LAMB2: variants seen among roughly 807,000 people sequenced by gnomAD.
The protein encoded by LAMB2 is laminin subunit beta 2, also known as laminin subunit beta-2.
Under a neutral mutation model 202.7 loss-of-function variants are expected in LAMB2, and 119 were observed. The observed-to-expected ratio is 0.59, with a 90% CI of 0.51 to 0.68. The LOEUF is 0.68. Among genes scored for constraint, LAMB2 ranks in the 30% least tolerant of loss-of-function variants. LAMB2 has a pLI of 0.00. For synonymous variants in LAMB2, 818 were observed against 902.2 expected, an observed-to-expected ratio of 0.91 and a Z score of 1.67; for missense variants, 2,124 against 2,410.6, an observed-to-expected ratio of 0.88 and a Z score of 2.49.
Position 49,129,411 on chromosome 3 carries a change from C to A in LAMB2, c.1519-87G>T. The A allele has an allele frequency of 8.0e-7, 1 of 1,250,952 alleles. No individual in the cohort carries two copies. 77.5% of individuals were successfully genotyped at this position (1,250,952 alleles called of 1,614,324 possible). On this transcript the variant is annotated intron_variant, in intron 11 of 31. Transcript: ENST00000305544. The surrounding 1 kb of genome is among the most constrained non-coding windows in gnomAD (Gnocchi z 6.1). ...GGAAATCCCAACCACACGTCTTAGC[C>A]TCAATCACCCCTCAGTGAAAACATG...
rs149144377 is a variant in LAMB2 at position 49,123,319 on chromosome 3, C to G, written c.4037G>C (p.Arg1346Pro). Residue 1346 changes from arginine (R) to proline (P), a missense_variant, in exon 26 of 32, where the codon CGT becomes CCT. By Grantham distance (103) the Arg-to-Pro change is moderately radical. Transcript: ENST00000305544. ...AHSQSAEAER[R>P]ANTSALAVPS... ...TACTGCCAGGGCTGAGGTATTGGCA[C>G]GACGTTCTGCCTCTGCAGACTGGCT... The G allele has an allele frequency of 6.2e-7, 1 of 1,614,102 alleles. No individual in the cohort carries two copies. Among genetic ancestry groups the G allele is most frequent in the South Asian group, 1.1e-5 (1 of 91,086 alleles).
Position 49,123,946 on chromosome 3 carries a change from G to A in LAMB2, c.3579C>T (p.Cys1193=). 1 of 1,613,444 alleles carries A rather than the reference G, an allele frequency of 6.2e-7. No homozygotes were observed. The highest frequency in any genetic ancestry group is 8.5e-7 in the Non-Finnish European group (1 of 1,180,040). Residue 1193 remains cysteine (C), a synonymous_variant, in exon 24 of 32, where the codon TGC becomes TGT. Coordinates refer to ENST00000305544, the MANE Select transcript of LAMB2 (RefSeq NM_002292.4). The part of the protein sequence containing the change: ...IFPACHPCHA[C]FGDWDRVVQD... Reference sequence around the variant, plus strand: ...GCACCACTCGGTCCCAATCCCCGAAGCATGCATGGCAGGGATGGCAGGCAG... The same window carrying A: ...GCACCACTCGGTCCCAATCCCCGAAACATGCATGGCAGGGATGGCAGGCAG...
rs1414709421 is a variant in LAMB2 at position 49,131,331 on chromosome 3, C to A, written c.712+48G>T. On this transcript the variant is annotated intron_variant, in intron 6 of 31. Coordinates refer to ENST00000305544, the MANE Select transcript of LAMB2 (RefSeq NM_002292.4). This position sits in a 1 kb window ranked among gnomAD's most constrained non-coding sequence, Gnocchi z 5.0. ...AATAGTTACTGAGGCCCCAAATAGT[C>A]CCTAGCCGGACACGGACTGTGCCAG... 1 of 1,599,312 alleles carries A rather than the reference C, an allele frequency of 6.3e-7. No individual in the cohort carries two copies. Among genetic ancestry groups the A allele is most frequent in the East Asian group, 2.2e-5 (1 of 44,718 alleles).
chr3:49,121,527 T>C lies in LAMB2; in HGVS notation c.5166A>G (p.Gln1722=), dbSNP rs114485284. 542 of 1,614,072 alleles carry C rather than the reference T, an allele frequency of 3.4e-4. 2 individuals are homozygous for C. In the African/African-American group the frequency reaches 5.9e-3, roughly 17 times the overall value. The stretch of plus-strand genomic sequence containing the variant: ...CCCTTGCCTGTGCAGCCAGCACACC[T>C]TGGGCCTTGCGCTCAGCTAGGGCCT... The part of the protein sequence containing the change: ...TVKALAERKA[Q]GVLAAQARAE... The change falls in exon 31 of 32, where the codon CAA becomes CAG. Residue 1722 remains glutamine, a synonymous_variant. Transcript: ENST00000305544.
Position 49,124,910 on chromosome 3 carries a change from G to A in LAMB2, c.2900C>T (p.Ala967Val). The A allele has an allele frequency of 1.2e-6, 2 of 1,614,064 alleles. No homozygotes were observed. The highest frequency in any genetic ancestry group is 1.7e-6 in the Non-Finnish European group (2 of 1,180,034). ...GTCCCCAAAGTGCCCAGGGGCACAA[G>A]CTTCACATCGCAGCCCTGCCCACGG... ...RAGYTGLRCE[A>V]CAPGHFGDPS... Residue 967 changes from alanine to valine, a missense_variant, in exon 21 of 32, where the codon GCT becomes GTT. Ala to Val is a moderately conservative substitution (Grantham distance 64, BLOSUM62 0). Around this residue, in one of 3 missense-constraint regions of LAMB2, gnomAD observed 1,702 missense variants for 1,896.3 expected, o/e 0.90. Coordinates refer to ENST00000305544, the MANE Select transcript of LAMB2 (RefSeq NM_002292.4).
At position 49,124,603 on chromosome 3, in the gene LAMB2, C is replaced by T; in HGVS notation, c.3119G>A (p.Cys1040Tyr). The T allele has an allele frequency of 6.2e-7, 1 of 1,613,632 alleles. No individual in the cohort carries two copies. Among genetic ancestry groups the T allele is most frequent in the Non-Finnish European group, 8.5e-7 (1 of 1,179,888 alleles). Residue 1040 changes from cysteine to tyrosine, a missense_variant, in exon 22 of 32, where the codon TGC becomes TAC. Physicochemically the swap from Cys to Tyr is radical, Grantham distance 194. This residue lies in a region of LAMB2 where 1,702 missense variants were observed against 1,896.3 expected (regional missense o/e 0.90). Coordinates refer to ENST00000305544, the MANE Select transcript of LAMB2 (RefSeq NM_002292.4). ...AARQSCHRCT[C>Y]NLLGTNPQQC... ...CTGCGGATTTGTGCCCAGCAGGTTG[C>T]ATGTGCAGCCTGTGCCAACCAAGAT...
chr3:49,132,371 C>T lies in LAMB2; in HGVS notation c.284G>A (p.Arg95His), dbSNP rs147691227. 92 of 1,614,206 alleles carry T rather than the reference C, an allele frequency of 5.7e-5. No individual in the cohort carries two copies. The East Asian group carries it at 1.3e-3, about 23-fold the overall frequency. ...EKKCFLCDSR[R>H]PFSARDNPHS... ...TGGGTTGTCTCTAGCAGAGAAGGGG[C>T]GCCGGGAGTCACAAAGGAAGCACTT... The change falls in exon 3 of 32, where the codon CGC becomes CAC. Residue 95 changes from arginine (R) to histidine (H), a missense_variant. Physicochemically the swap from Arg to His is conservative, Grantham distance 29 (BLOSUM62 0). Coordinates refer to ENST00000305544, the MANE Select transcript of LAMB2 (RefSeq NM_002292.4). The surrounding 1 kb of genome is among the most constrained non-coding windows in gnomAD (Gnocchi z 4.6).
chr3:49,123,297 T>G lies in LAMB2; in HGVS notation c.4059A>C (p.Ala1353=), dbSNP rs749538043. 1 of 1,614,128 alleles carries G rather than the reference T, an allele frequency of 6.2e-7. No individual in the cohort carries two copies. The highest frequency in any genetic ancestry group is 8.5e-7 in the Non-Finnish European group (1 of 1,180,028). ...CCGAGTTGCTCACAGGGCTAGGTAC[T>G]GCCAGGGCTGAGGTATTGGCACGAC... ...AERRANTSAL[A]VPSPVSNSAS... is the part of the protein sequence containing the mutation. The change falls in exon 26 of 32, where the codon GCA becomes GCC. Residue 1353 remains alanine (A), a synonymous_variant. Coordinates refer to ENST00000305544, the MANE Select transcript of LAMB2 (RefSeq NM_002292.4).
At position 49,132,415 on chromosome 3, in the gene LAMB2, A is replaced by G. The variant is rs1560077419; in HGVS notation, c.250-10T>C. 2 of 1,614,178 alleles carry G rather than the reference A, an allele frequency of 1.2e-6. No individual in the cohort carries two copies. Among genetic ancestry groups the G allele is most frequent in the Admixed American group, 3.3e-5 (2 of 60,020 alleles). ...AGCACTTCTTTTCGTCCTGGGTTGG[A>G]TGGGGATTAGAATCAGTGCCTCAGG... On this transcript the variant is annotated splice_polypyrimidine_tract_variant and intron_variant, in intron 2 of 31. Transcript: ENST00000305544. This position sits in a 1 kb window ranked among gnomAD's most constrained non-coding sequence, Gnocchi z 4.6.
rs1575535246 is a variant in LAMB2 at position 49,128,714 on chromosome 3, C to A, written c.1837G>T (p.Ala613Ser). ...TAGTCCATAGCCTTCGGCACAGAGG[C>A]CACCAGGAACTCCAGGGTCTGACCT... ...QEGQTLEFLV[A>S]SVPKAMDYDL... The change falls in exon 14 of 32, where the codon GCC becomes TCC. Residue 613 changes from alanine to serine, a missense_variant. By Grantham distance (99) the Ala-to-Ser change is moderately conservative. This residue lies in a region of LAMB2 where 1,702 missense variants were observed against 1,896.3 expected (regional missense o/e 0.90). Coordinates refer to ENST00000305544, the MANE Select transcript of LAMB2 (RefSeq NM_002292.4). 1 of 1,614,152 alleles carries A rather than the reference C, an allele frequency of 6.2e-7. No individual in the cohort carries two copies. The highest frequency in any genetic ancestry group is 2.2e-5 in the East Asian group (1 of 44,884).
At position 49,125,239 on chromosome 3, in the gene LAMB2, T is replaced by G; in HGVS notation, c.2720+14A>C. On this transcript the variant is annotated intron_variant, in intron 19 of 31. Transcript: ENST00000305544. ...GCCCACCAACCAACCCACTCATAGC[T>G]GCTCCAGTCTCACCTTTCACAGTGC... The G allele has an allele frequency of 1.9e-6, 3 of 1,613,798 alleles. No homozygotes were observed. In the South Asian group the frequency reaches 3.3e-5, roughly 18 times the overall value.
intron 27 of LAMB2, 72 bp downstream of exon 27, chr3:49,122,632 C>T: frequency 7.7e-7 from 1 of 1,293,094 alleles, no homozygotes; most frequent in Non-Finnish European, 1.1e-6. Flanking sequence ...CAAGTATGAA[C>T]CAAGGGAGAT....
rs565229873 is a variant in LAMB2, at chr3:49,123,992, C to T, written c.3533G>A (p.Arg1178His). 70 of 1,613,490 alleles carry T rather than the reference C, an allele frequency of 4.3e-5. No homozygotes were observed. The East Asian group carries it at 1.1e-3, about 25-fold the overall frequency. The part of the protein sequence containing the change: ...VSGVRCDQCA[R>H]GFSGIFPACH... ...GGCAGGAAAGATTCCTGAGAAGCCA[C>T]GGGCACACTGGTCACAGCGCACACC... The change falls in exon 24 of 32, where the codon CGT (arginine) becomes CAT (histidine). Residue 1178 changes from arginine to histidine, a missense_variant. This residue lies in a region of LAMB2 where 1,702 missense variants were observed against 1,896.3 expected (regional missense o/e 0.90). Coordinates refer to ENST00000305544, the MANE Select transcript of LAMB2 (RefSeq NM_002292.4).
chr3:49,132,963 C>G lies in LAMB2; in HGVS notation c.-96G>C. 2 of 1,121,202 alleles carry G rather than the reference C, an allele frequency of 1.8e-6. No homozygotes were observed. The highest frequency in any genetic ancestry group is 2.7e-6 in the Non-Finnish European group (2 of 741,846). 69.5% of individuals were successfully genotyped at this position (1,121,202 alleles called of 1,614,324 possible). A position where few individuals can be genotyped will look rare whatever the true frequency, so the allele number is the denominator to read the frequency against. ...TTCCGTGTCAACTCTGCCTGTGGGTCTTTGGCCTGTTTCCCTCCAGGCCCT... is the reference window on the plus strand; with the variant it reads ...TTCCGTGTCAACTCTGCCTGTGGGTGTTTGGCCTGTTTCCCTCCAGGCCCT... On this transcript the variant is annotated 5_prime_UTR_variant, in exon 1 of 32. Transcript: ENST00000305544. The surrounding 1 kb of genome is among the most constrained non-coding windows in gnomAD (Gnocchi z 4.6).
rs750701915 is a variant in LAMB2, at chr3:49,131,174, C to T, written c.713-22G>A. On this transcript the variant is annotated intron_variant, in intron 6 of 31. Coordinates refer to ENST00000305544, the MANE Select transcript of LAMB2 (RefSeq NM_002292.4). The surrounding 1 kb of genome is among the most constrained non-coding windows in gnomAD (Gnocchi z 5.0). ...AGGTCTGAGGCGGGGGAAGGGGGGCCAACTGACCAGGCAGGCCCTTGCTGC... is the reference window on the plus strand; with the variant it reads ...AGGTCTGAGGCGGGGGAAGGGGGGCTAACTGACCAGGCAGGCCCTTGCTGC... The T allele has an allele frequency of 1.9e-6, 3 of 1,610,368 alleles. No individual in the cohort carries two copies. The highest frequency in any genetic ancestry group is 2.5e-6 in the Non-Finnish European group (3 of 1,177,958).
rs1560077244 is a variant in LAMB2, at chr3:49,132,184, G to T, written c.391C>A (p.Pro131Thr). 1 of 1,614,132 alleles carries T rather than the reference G, an allele frequency of 6.2e-7. No individual in the cohort carries two copies. The highest frequency in any genetic ancestry group is 2.2e-5 in the East Asian group (1 of 44,876). The change falls in exon 4 of 32, where the codon CCT becomes ACT. Residue 131 changes from proline (P) to threonine (T), a missense_variant. Pro to Thr is a conservative substitution (Grantham distance 38). Around this residue, in one of 3 missense-constraint regions of LAMB2, gnomAD observed 256 missense variants for 356.1 expected, o/e 0.72. Transcript: ENST00000305544. The surrounding 1 kb of genome is among the most constrained non-coding windows in gnomAD (Gnocchi z 4.6). ...AGGTCCAGCTGGATGGTGACCGCAG[G>T]GATACCTGGGACAGGAATCGGAAGT... ...AAWWQSENGI[P>T]AVTIQLDLEA...
chr3:49,122,972 C>T lies in LAMB2; in HGVS notation c.4305G>A (p.Pro1435=), dbSNP rs371257983. The T allele has an allele frequency of 2.1e-5, 34 of 1,608,732 alleles. No homozygotes were observed. Among genetic ancestry groups the T allele is most frequent in the Admixed American group, 6.7e-5 (4 of 59,990 alleles). The change falls in exon 27 of 32, where the codon CCG becomes CCA. Residue 1435 remains proline (P), a synonymous_variant. Coordinates refer to ENST00000305544, the MANE Select transcript of LAMB2 (RefSeq NM_002292.4). ...GAGCRDEDGQ[P]RCGGLSCNGA... ...CATTGCAGCTGAGGCCCCCACAGCG[C>T]GGCTGCCCATCCTCATCTCGACAGC...
At position 49,130,070 on chromosome 3, in the gene LAMB2, T is replaced by C. The variant is rs2045465141; in HGVS notation, c.1226-52A>G. The C allele has an allele frequency of 1.3e-6, 2 of 1,597,790 alleles. No homozygotes were observed. The highest frequency in any genetic ancestry group is 8.6e-7 in the Non-Finnish European group (1 of 1,165,804). ...ACTCACCCTATCTCAACTAGCTCAC[T>C]GCCAGTCCTCTCCTAAGCCTAAGGG... On this transcript the variant is annotated intron_variant, in intron 9 of 31. Coordinates refer to ENST00000305544, the MANE Select transcript of LAMB2 (RefSeq NM_002292.4). The surrounding 1 kb of genome is among the most constrained non-coding windows in gnomAD (Gnocchi z 5.0).
rs2045244172 is a variant in LAMB2 at position 49,121,523 on chromosome 3, C to A, written c.5170G>T (p.Val1724Leu). The A allele has an allele frequency of 6.2e-7, 1 of 1,614,012 alleles. No homozygotes were observed. The highest frequency in any genetic ancestry group is 1.3e-5 in the African/African-American group (1 of 74,946). ...TCTGCCCTTGCCTGTGCAGCCAGCA[C>A]ACCTTGGGCCTTGCGCTCAGCTAGG... ...KALAERKAQG[V>L]LAAQARAEQL... Residue 1724 changes from valine (V) to leucine (L), a missense_variant, in exon 31 of 32, where the codon GTG (valine) becomes TTG (leucine). By Grantham distance (32) the Val-to-Leu change is conservative. This residue lies in a region of LAMB2 where 1,702 missense variants were observed against 1,896.3 expected (regional missense o/e 0.90). Coordinates refer to ENST00000305544, the MANE Select transcript of LAMB2 (RefSeq NM_002292.4).
Sources: allele counts gnomAD v4.1 joint callset, GRCh38; gene constraint gnomAD v4.1.1; regional missense constraint gnomAD v4.1.1; non-coding constraint Gnocchi (gnomAD v3.1); transcripts MANE v1.5; gene names NCBI Gene and HGNC (gene_info 2026-07-23, HGNC 2026-07-21).